CSMD3: variants seen among roughly 807,000 people sequenced by gnomAD.
The protein encoded by CSMD3 is CUB and sushi domain-containing protein 3.
A neutral mutation model predicts 435.2 loss-of-function variants in CSMD3; 177 were observed. The ratio of observed to expected loss-of-function variants is 0.41; its 90% CI spans 0.36 to 0.46. The LOEUF (loss-of-function observed/expected upper bound fraction) is 0.46. Among genes scored for constraint, CSMD3 ranks in the 20% least tolerant of loss-of-function variants. The pLI is 0.34. For missense variants in CSMD3, 4,265 were observed against 4,504.6 expected (o/e 0.95, Z 1.52); for synonymous variants, 1,656 against 1,520.5 (o/e 1.09, Z -2.07).
chr8:113,199,210 A>C (rs971869974), intron 3 of CSMD3, among the ~76,000 whole-genome samples: 7 of 151,414 alleles, frequency 4.6e-5, no homozygotes, highest in African/African-American at 1.7e-4. Flanking sequence ...CAATGACTAA[A>C]AGACAGGAAC....
chr8:112,706,367 AT>A (rs1335688971), intron 13 of CSMD3, among the ~76,000 whole-genome samples: 2 of 152,142 alleles, frequency 1.3e-5, no homozygotes, highest in Non-Finnish European at 2.9e-5. Flanking sequence ...CTAATAAATA[AT>A]GTAATTTTAT....
At chr8:112,686,746 T>C (rs2076021996) in intron 14 of CSMD3, among the ~76,000 whole-genome samples, 1 of 152,044 alleles carries the variant, frequency 6.6e-6, no homozygotes, top group Admixed American at 6.6e-5. Flanking sequence ...TCGGCCTCCG[T>C]AAGTAATGGG....
chr8:112,771,989 A>T (rs894312980), intron 13 of CSMD3, among the ~76,000 whole-genome samples: 16 of 152,064 alleles, frequency 1.1e-4, no homozygotes, highest in Non-Finnish European at 2.1e-4. Flanking sequence ...ACTTCCTTGA[A>T]TCAGAAATAT....
chr8:112,930,691 C>T (rs756666237), intron 9 of CSMD3, among the ~76,000 whole-genome samples: 3 of 152,014 alleles, frequency 2.0e-5, no homozygotes, highest in Admixed American at 6.6e-5. Flanking sequence ...CTACTCTTGA[C>T]GTTTTTACCA....
intron 4 of CSMD3, among the ~76,000 whole-genome samples, chr8:113,130,381 C>A (rs72685860): frequency 6.6e-6 from 1 of 151,954 alleles, no homozygotes; most frequent in Admixed American, 6.6e-5. Context: ...GTTCTCATGA[C>A]GGTAAGTGAG....
intron 32 of CSMD3, among the ~76,000 whole-genome samples, chr8:112,426,009 T>C (rs982298129): frequency 2.0e-5 from 3 of 152,168 alleles, no homozygotes; most frequent in African/African-American, 4.8e-5. Context: ...ATTCCATCAC[T>C]GAAATAAGTC....
rs201515007 is a variant in CSMD3 at position 112,636,950 on chromosome 8, G to A, written c.3582C>T (p.Ile1194=). ...DPGIPQYGSR[I]GFNFGIGDTL... Reference sequence around the variant, plus strand: ...TGTCACCAATCCCAAAGTTGAACCCGATTCGACTACCATATTGAGGAATGC... The same window carrying A: ...TGTCACCAATCCCAAAGTTGAACCCAATTCGACTACCATATTGAGGAATGC... The change falls in exon 22 of 71, where the codon ATC becomes ATT. Residue 1194 remains isoleucine, a synonymous_variant. Transcript: ENST00000297405. 26 of 1,613,456 alleles carry A rather than the reference G, an allele frequency of 1.6e-5. No individual in the cohort carries two copies. Among genetic ancestry groups the A allele is most frequent in the Non-Finnish European group, 1.8e-5 (21 of 1,179,762 alleles).
At chr8:112,340,075 T>TG (rs1442525685) in intron 42 of CSMD3, among the ~76,000 whole-genome samples, 3 of 152,194 alleles carry the variant, frequency 2.0e-5, no homozygotes, top group Non-Finnish European at 4.4e-5. Flanking sequence ...AACATTATTT[T>TG]GAGAGAGAGG....
In CSMD3 at chr8:112,296,000, T is replaced by C. The variant is rs1586686301; in HGVS notation, c.8447A>G (p.His2816Arg). The C allele has an allele frequency of 2.5e-6, 4 of 1,611,492 alleles. No individual in the cohort carries two copies. The South Asian group carries it at 3.3e-5, about 13-fold the overall frequency. ...SESETRCLAG[H>R]CGIPELIVNG... Reference sequence around the variant, plus strand: ...CACAATCAGTTCTGGAATTCCACAATGACCCGCTGAAATACGTTATAAAGT... The same window carrying C: ...CACAATCAGTTCTGGAATTCCACAACGACCCGCTGAAATACGTTATAAAGT... The change falls in exon 54 of 71, where the codon CAT (histidine) becomes CGT (arginine). Residue 2816 changes from histidine to arginine, a missense_variant. His to Arg is a conservative substitution (Grantham distance 29). Transcript: ENST00000297405.
At chr8:112,887,197 TG>T (rs1217457202) in intron 10 of CSMD3, among the ~76,000 whole-genome samples, 7 of 137,030 alleles carry the variant, frequency 5.1e-5, no homozygotes, top group East Asian at 4.0e-4. Context: ...TACAATTATT[TG>T]TTTTTTTTTT....
intron 35 of CSMD3, among the ~76,000 whole-genome samples, chr8:112,399,724 T>G (rs866668509): frequency 1.3e-5 from 2 of 152,216 alleles, no homozygotes; most frequent in Non-Finnish European, 2.9e-5. Context: ...TCAGCCACTT[T>G]TGTTATAAAG....
intron 13 of CSMD3, among the ~76,000 whole-genome samples, chr8:112,763,476 G>T (rs963327076): frequency 6.7e-6 from 1 of 149,518 alleles, no homozygotes; most frequent in African/African-American, 2.5e-5. Flanking sequence ...AAATTTAATA[G>T]CATCACCATT....
At chr8:113,138,810 A>T (rs1408976077) in intron 4 of CSMD3, among the ~76,000 whole-genome samples, 1 of 145,630 alleles carries the variant, frequency 6.9e-6, no homozygotes, top group Non-Finnish European at 1.5e-5. Flanking sequence ...TAAACGTGTT[A>T]GTGTGTGTGT....
chr8:112,264,313 T>A (rs930071126), intron 60 of CSMD3, among the ~76,000 whole-genome samples: 1 of 152,196 alleles, frequency 6.6e-6, no homozygotes, highest in Non-Finnish European at 1.5e-5. Context: ...TAGATTCATA[T>A]GTTAAACCTT....
At chr8:113,162,314 G>T (rs989232023) in intron 4 of CSMD3, among the ~76,000 whole-genome samples, 1 of 151,734 alleles carries the variant, frequency 6.6e-6, no homozygotes, top group Admixed American at 6.6e-5. Context: ...GGTAGCTCAC[G>T]CCTGTAATCC....
intron 5 of CSMD3, among the ~76,000 whole-genome samples, chr8:113,039,536 C>T (rs1389616882): frequency 6.6e-6 from 1 of 151,976 alleles, no homozygotes; most frequent in African/African-American, 2.4e-5. Context: ...TGGGATTGTC[C>T]CCTCCAGGAT....
chr8:112,729,328 G>GA (rs1312811325), intron 13 of CSMD3, among the ~76,000 whole-genome samples: 2 of 151,944 alleles, frequency 1.3e-5, no homozygotes, highest in African/African-American at 4.8e-5. Context: ...TACCAGTTTT[G>GA]AAAAAAGCTG....
chr8:113,185,605 T>C (rs1399605848), intron 3 of CSMD3, among the ~76,000 whole-genome samples: 3 of 152,090 alleles, frequency 2.0e-5, no homozygotes, highest in Non-Finnish European at 4.4e-5. Context: ...CACTTTTCTA[T>C]TAAACTTTCT....
intron 6 of CSMD3, among the ~76,000 whole-genome samples, chr8:113,014,785 A>C (rs2086391198): frequency 6.6e-6 from 1 of 152,108 alleles, no homozygotes; most frequent in African/African-American, 2.4e-5. Context: ...TAATGACTTA[A>C]TTTGTACTCT....
Sources: allele counts gnomAD v4.1 joint callset (sites outside exome capture counted in the v4.1 genomes callset), GRCh38; gene constraint gnomAD v4.1.1; transcripts MANE v1.5; gene names NCBI Gene and HGNC (gene_info 2026-07-23, HGNC 2026-07-21).